The following KIAA1217 variants were observed in gnomAD, a reference collection of about 807,000 sequenced individuals.
KIAA1217 encodes KIAA1217, also known as sickle tail protein homolog.
A neutral mutation model predicts 163.9 loss-of-function variants in KIAA1217; 88 were observed. The observed-to-expected ratio is 0.54, with a 90% confidence interval of 0.45 to 0.64. The LOEUF (loss-of-function observed/expected upper bound fraction) is 0.64. KIAA1217 is among the 30% of genes least tolerant of loss of function. The pLI is 0.00. For missense variants in KIAA1217, 2,372 were observed against 2,475.0 expected (o/e 0.96, Z 0.88); for synonymous variants, 903 against 923.1 (o/e 0.98, Z 0.39).
chr10:24,533,681 C>T (rs561386690), intron 16 of KIAA1217, among the ~76,000 whole-genome samples: 4 of 152,228 alleles, frequency 2.6e-5, no homozygotes, highest in Non-Finnish European at 5.9e-5. Context: ...CAATGACTGG[C>T]CTCCTGTGGT....
chr10:24,003,299 G>T (rs188002527), intron 1 of KIAA1217, among the ~76,000 whole-genome samples: 1 of 152,058 alleles, frequency 6.6e-6, no homozygotes, highest in Non-Finnish European at 1.5e-5. Flanking sequence ...CCCTTTATAC[G>T]ACATCCACGC....
At chr10:24,113,185 G>T (rs749120681) in intron 2 of KIAA1217, among the ~76,000 whole-genome samples, 1 of 151,988 alleles carries the variant, frequency 6.6e-6, no homozygotes, top group South Asian at 2.1e-4. Flanking sequence ...ATATTCTACC[G>T]GTCACACAGG....
At chr10:24,521,200 G>A (rs1170421668) in intron 11 of KIAA1217, among the ~76,000 whole-genome samples, 1 of 151,888 alleles carries the variant, frequency 6.6e-6, no homozygotes, top group Non-Finnish European at 1.5e-5. Context: ...TGGGCATGGT[G>A]GCACAAACCT....
intron 1 of KIAA1217, among the ~76,000 whole-genome samples, chr10:23,845,493 A>G (rs1396753545): frequency 6.6e-6 from 1 of 152,164 alleles, no homozygotes; most frequent in East Asian, 1.9e-4. Flanking sequence ...ACCAGTAATG[A>G]TGAACATTTT....
intron 9 of KIAA1217, among the ~76,000 whole-genome samples, chr10:24,505,997 G>A (rs751892732): frequency 3.9e-5 from 6 of 152,020 alleles, no homozygotes; most frequent in Non-Finnish European, 8.8e-5. Flanking sequence ...CAACAGACCC[G>A]TGTCCCCTGC....
At chr10:23,797,577 C>T (rs1444435536) in intron 1 of KIAA1217, among the ~76,000 whole-genome samples, 1 of 152,004 alleles carries the variant, frequency 6.6e-6, no homozygotes, top group Non-Finnish European at 1.5e-5. Context: ...CTGGGGAGGC[C>T]TCAGGAAACT....
At chr10:23,832,831 T>A (rs2131044180) in intron 1 of KIAA1217, among the ~76,000 whole-genome samples, 1 of 152,234 alleles carries the variant, frequency 6.6e-6, no homozygotes, top group Non-Finnish European at 1.5e-5. Context: ...GGACTTACAG[T>A]TCCATGTGGC....
chr10:24,476,284 A>C (rs755620335), intron 6 of KIAA1217, among the ~76,000 whole-genome samples: 3 of 152,174 alleles, frequency 2.0e-5, no homozygotes, highest in Non-Finnish European at 4.4e-5. Context: ...CAAGACGTTT[A>C]GTTATGGAGA....
intron 2 of KIAA1217, among the ~76,000 whole-genome samples, chr10:24,008,681 G>A (rs1355728274): frequency 6.6e-6 from 1 of 152,078 alleles, no homozygotes; most frequent in Non-Finnish European, 1.5e-5. Context: ...CCCTTTGTAA[G>A]CATATGGATT....
chr10:24,124,365 T>C (rs1427880330), intron 2 of KIAA1217, among the ~76,000 whole-genome samples: 1 of 152,144 alleles, frequency 6.6e-6, no homozygotes, highest in Non-Finnish European at 1.5e-5. Flanking sequence ...GATTTTTAAA[T>C]TAATCATTAT....
At chr10:24,202,466 C>T (rs572846039) in intron 2 of KIAA1217, among the ~76,000 whole-genome samples, 2 of 152,256 alleles carry the variant, frequency 1.3e-5, no homozygotes, top group East Asian at 1.9e-4. Flanking sequence ...GCTTCTCCTT[C>T]TCCTGCATCA....
chr10:23,811,266 A>G (rs1837036063), intron 1 of KIAA1217, among the ~76,000 whole-genome samples: 1 of 145,154 alleles, frequency 6.9e-6, no homozygotes. Flanking sequence ...ATAATATAGT[A>G]TCTATATATA....
At chr10:23,803,692 A>G (rs540043504) in intron 1 of KIAA1217, among the ~76,000 whole-genome samples, 3 of 152,278 alleles carry the variant, frequency 2.0e-5, no homozygotes, top group Non-Finnish European at 4.4e-5. Flanking sequence ...TACTTTTCTC[A>G]ATTTTAAATC....
upstream of KIAA1217, among the ~76,000 whole-genome samples, chr10:24,203,968 T>A (rs186769407): frequency 1.4e-4 from 21 of 152,232 alleles, no homozygotes; most frequent in African/African-American, 5.1e-4. Flanking sequence ...GCACACGGGG[T>A]CTTTGCTGCC....
chr10:23,983,358 T>G (rs1245267028), intron 1 of KIAA1217, among the ~76,000 whole-genome samples: 1 of 152,196 alleles, frequency 6.6e-6, no homozygotes, highest in Admixed American at 6.5e-5. Flanking sequence ...AAAAGAAGTT[T>G]AATTGGCTCA....
intron 1 of KIAA1217, among the ~76,000 whole-genome samples, chr10:23,855,595 C>T (rs554783848): frequency 2.5e-3 from 377 of 152,252 alleles, no homozygotes; most frequent in Non-Finnish European, 4.5e-3. Flanking sequence ...TGGATAATAT[C>T]CTGCAGAGTG....
intron 2 of KIAA1217, among the ~76,000 whole-genome samples, chr10:24,084,746 A>C (rs944078262): frequency 1.3e-4 from 20 of 152,116 alleles, no homozygotes; most frequent in African/African-American, 4.8e-4. Flanking sequence ...GGTAAGGAGC[A>C]AAAAGTAATT....
intron 2 of KIAA1217, among the ~76,000 whole-genome samples, chr10:24,351,074 A>T (rs1375518411): frequency 2.0e-5 from 3 of 151,988 alleles, no homozygotes; most frequent in Non-Finnish European, 4.4e-5. Context: ...CAGCCTCCCA[A>T]GTAGCTGGAA....
intron 1 of KIAA1217, among the ~76,000 whole-genome samples, chr10:23,740,446 G>C (rs12249826): frequency 0.2 from 30,023 of 151,984 alleles, 3,115 homozygotes; most frequent in Middle Eastern, 0.25. Flanking sequence ...GCAGCCTCAA[G>C]CTCCCGGGCT....
Sources: allele counts gnomAD v4.1 joint callset (sites outside exome capture counted in the v4.1 genomes callset), GRCh38; gene constraint gnomAD v4.1.1; transcripts MANE v1.5; gene names NCBI Gene and HGNC (gene_info 2026-07-23, HGNC 2026-07-21).